Variants in TNRC18 observed in about 807,000 individuals in gnomAD.
The protein encoded by TNRC18 is trinucleotide repeat-containing gene 18 protein.
TNRC18 carries 69 observed loss-of-function variants against 226.7 expected under a neutral mutation model. That is an observed-to-expected ratio of 0.30 (90% CI 0.25 to 0.37). TNRC18 has a LOEUF of 0.37. Ranked by LOEUF, TNRC18 falls within the 10% of genes least tolerant of loss-of-function variation. The pLI is 1.00. For missense variants in TNRC18, 4,754 were observed against 4,256.6 expected, an observed-to-expected ratio of 1.12 and a Z score of -3.25; for synonymous variants, 2,449 against 1,927.6, an observed-to-expected ratio of 1.27 and a Z score of -7.09.
At chr7:5,387,589 G>T in intron 5 of TNRC18, 83 bp downstream of exon 5, 2 of 1,540,976 alleles carry the variant, frequency 1.3e-6, no homozygotes, top group Non-Finnish European at 1.7e-6. Context: ...AATAGCAAAG[G>T]GAAAGGGCCC....
At chr7:5,399,504 G>A (rs1231553924) in intron 2 of TNRC18, among the ~76,000 whole-genome samples, 1 of 152,002 alleles carries the variant, frequency 6.6e-6, no homozygotes, top group Non-Finnish European at 1.5e-5. Context: ...CTTGAGGCCA[G>A]GAGTTCAGCC....
chr7:5,413,577 G>A (rs760041446), intron 2 of TNRC18, among the ~76,000 whole-genome samples: 2 of 152,190 alleles, frequency 1.3e-5, no homozygotes, highest in African/African-American at 2.4e-5. Flanking sequence ...CCAGACCACT[G>A]TGAGTGCAGT....
Position 5,313,446 on chromosome 7 carries a change from A to C in TNRC18, c.7445T>G (p.Leu2482Arg), listed in dbSNP as rs1226496661. Residue 2482 changes from leucine (L) to arginine (R), a missense_variant, in exon 27 of 30, where the codon CTG becomes CGG. Transcript: ENST00000430969. The part of the protein sequence containing the change: ...PKSKKAKEAL[L>R]LREDPGAGGW... The stretch of plus-strand genomic sequence containing the variant: ...CCCCGCCCCCGGATCCTCCCGGAGC[A>C]GCAGGGCCTCTTTAGCCTTCTTGCT... 6.2e-7 allele frequency: 1 copy of C among 1,612,188 alleles called. No individual in the cohort carries two copies. The highest frequency in any genetic ancestry group is 8.5e-7 in the Non-Finnish European group (1 of 1,179,268).
At position 5,312,623 on chromosome 7, in the gene TNRC18, G is replaced by A. The variant is rs1787342349; in HGVS notation, c.8268C>T (p.His2756=). ...KSRPKKREGV[H]LPTTKELAKR... ...TGGCCAGCTCCTTGGTGGTGGGGAGGTGGACGCCCTCTCTCTTCTTGGGTC... is the reference window on the plus strand; with the variant it reads ...TGGCCAGCTCCTTGGTGGTGGGGAGATGGACGCCCTCTCTCTTCTTGGGTC... The change falls in exon 27 of 30, where the codon CAC becomes CAT. Residue 2756 remains histidine, a synonymous_variant. Coordinates refer to ENST00000430969, the MANE Select transcript of TNRC18 (RefSeq NM_001080495.3). This position sits in a 1 kb window ranked among gnomAD's most constrained non-coding sequence, Gnocchi z 6.3. 21 of 1,610,486 alleles carry A rather than the reference G, an allele frequency of 1.3e-5. No homozygotes were observed. Among genetic ancestry groups the A allele is most frequent in the Non-Finnish European group, 1.7e-5 (20 of 1,179,218 alleles).
chr7:5,406,853 A>T (rs1444537139), intron 2 of TNRC18, among the ~76,000 whole-genome samples: 1 of 151,628 alleles, frequency 6.6e-6, no homozygotes, highest in Non-Finnish European at 1.5e-5. Flanking sequence ...TCTGTCTCAA[A>T]AAAAAAAAAG....
intron 18 of TNRC18, among the ~76,000 whole-genome samples, chr7:5,333,387 G>T (rs144111092): frequency 6.6e-6 from 1 of 152,206 alleles, no homozygotes. Flanking sequence ...CCCCACACCT[G>T]CAGGGCAGCA....
intron 17 of TNRC18, among the ~76,000 whole-genome samples, chr7:5,351,106 T>C (rs1197026303): frequency 2.0e-5 from 3 of 151,968 alleles, no homozygotes; most frequent in East Asian, 1.9e-4. Flanking sequence ...AAAAATGAAA[T>C]GAATGCCAAT....
At chr7:5,343,366 G>C (rs1357843819) in intron 18 of TNRC18, among the ~76,000 whole-genome samples, 1 of 152,086 alleles carries the variant, frequency 6.6e-6, no homozygotes, top group Non-Finnish European at 1.5e-5. Context: ...AAAAGAAAAA[G>C]ACATAATACT....
At position 5,388,022 on chromosome 7, in the gene TNRC18, G is replaced by A. The variant is rs1410903583; in HGVS notation, c.1802C>T (p.Ala601Val). 3 of 1,570,690 alleles carry A rather than the reference G, an allele frequency of 1.9e-6. No individual in the cohort carries two copies. The highest frequency in any genetic ancestry group is 2.6e-6 in the Non-Finnish European group (3 of 1,159,096). Residue 601 changes from alanine (A) to valine (V), a missense_variant, in exon 5 of 30, where the codon GCC (alanine) becomes GTC (valine). By Grantham distance (64) the Ala-to-Val change is moderately conservative (BLOSUM62 0). Coordinates refer to ENST00000430969, the MANE Select transcript of TNRC18 (RefSeq NM_001080495.3). ...YSGSFARDAV[A>V]VRPGGCGKKS... ...CTTGCCACAGCCACCAGGGCGCACG[G>A]CCACGGCGTCCCGGGCAAAGCTGCC...
intron 19 of TNRC18, among the ~76,000 whole-genome samples, chr7:5,328,020 G>T (rs542142992): frequency 6.7e-6 from 1 of 148,654 alleles, no homozygotes; most frequent in African/African-American, 2.5e-5. Context: ...CCAGGAGTTC[G>T]AGACCAGCCC....
At position 5,374,201 on chromosome 7, in the gene TNRC18, C is replaced by CCCGG; in HGVS notation, c.3082_3083insCCGG (p.Ser1028ThrfsTer87). The CCCGG allele has an allele frequency of 1.4e-6, 1 of 738,486 alleles. No individual in the cohort carries two copies. 45.7% of individuals were successfully genotyped at this position (738,486 alleles called of 1,614,324 possible). ...GGGCGGCGGGCTGGTGGGGTGGGAG[C>CCCGG]TGGGGGTGGCGGGGTAGGCGTAGGC... is the stretch of plus-strand genomic sequence containing the variant. On this transcript the variant is annotated frameshift_variant, in exon 10 of 30. Transcript: ENST00000430969. LOFTEE classifies it high-confidence loss of function.
At chr7:5,374,619 C>A (rs1006084021) in intron 9 of TNRC18, 135 bp from the exon 10 acceptor site, 2 of 864,100 alleles carry the variant, frequency 2.3e-6, no homozygotes, top group Non-Finnish European at 3.4e-6. Context: ...AGGCTGCCCA[C>A]CCCGTCCCAG....
At chr7:5,373,920 G>GC in intron 10 of TNRC18, 135 bp downstream of exon 10, 1 of 629,806 alleles carries the variant, frequency 1.6e-6, no homozygotes, top group Non-Finnish European at 2.5e-6. Context: ...GTGTCTGGCG[G>GC]CAGGCCTGGG....
Position 5,320,347 on chromosome 7 carries a change from C to T in TNRC18, c.6716G>A (p.Arg2239His), listed in dbSNP as rs1389463786. 5 of 1,557,108 alleles carry T rather than the reference C, an allele frequency of 3.2e-6. No individual in the cohort carries two copies. Among genetic ancestry groups the T allele is most frequent in the East Asian group, 2.4e-5 (1 of 41,446 alleles). Residue 2239 changes from arginine to histidine, a missense_variant, in exon 24 of 30, where the codon CGC (arginine) becomes CAC (histidine). By Grantham distance (29) the Arg-to-His change is conservative. Transcript: ENST00000430969. Reference protein sequence around the residue: ...RIAAYWSQQYRCLYPGTVVRG... With the variant: ...RIAAYWSQQYHCLYPGTVVRG... ...GACCACAGTGCCTGGGTAGAGACAGCGGTACTGCTGGCTCCAGTAGGCTGC... is the reference window on the plus strand; with the variant it reads ...GACCACAGTGCCTGGGTAGAGACAGTGGTACTGCTGGCTCCAGTAGGCTGC...
intron 17 of TNRC18, among the ~76,000 whole-genome samples, chr7:5,349,915 G>A (rs1483257497): frequency 6.6e-6 from 1 of 152,160 alleles, no homozygotes; most frequent in Non-Finnish European, 1.5e-5. Context: ...GAGGAGCCTG[G>A]GCCTCCCCCG....
chr7:5,389,437 G>A (rs1362837223), intron 4 of TNRC18, 101 bp from the exon 5 acceptor site: 3 of 1,085,184 alleles, frequency 2.8e-6, no homozygotes, highest in Non-Finnish European at 2.3e-6. Context: ...ACCAACCCAT[G>A]CCTCCCCCAG....
intron 2 of TNRC18, among the ~76,000 whole-genome samples, chr7:5,396,555 C>A (rs1489795697): frequency 6.6e-6 from 1 of 152,204 alleles, no homozygotes; most frequent in African/African-American, 2.4e-5. Flanking sequence ...CAATAACCAG[C>A]CATGGCACCC....
rs1207313682 is a variant in TNRC18 at position 5,409,830 on chromosome 7, A to T, written c.187+11230T>A. Reference sequence around the variant, plus strand: ...TCTCTACTAAAAAAAAAAAAAAAAAAAATACAAAAAATTAGCCAGGCGTGG... The same window carrying T: ...TCTCTACTAAAAAAAAAAAAAAAAATAATACAAAAAATTAGCCAGGCGTGG... On this transcript the variant is annotated intron_variant, in intron 2 of 29. Transcript: ENST00000430969. 4.7e-5 allele frequency among the ~76,000 whole-genome samples: 7 copies of T among 149,034 alleles called. No homozygotes were observed. In the East Asian group the frequency reaches 1.4e-3, roughly 29 times the overall value.
At chr7:5,392,567 T>C (rs6978084) in intron 3 of TNRC18, among the ~76,000 whole-genome samples, 1,698 of 152,084 alleles carry the variant, frequency 0.011, 43 homozygotes, top group African/African-American at 0.039. Context: ...TGAGCCAAGA[T>C]TGTGCCACTA....
Sources: allele counts gnomAD v4.1 joint callset (sites outside exome capture counted in the v4.1 genomes callset), GRCh38; gene constraint gnomAD v4.1.1; non-coding constraint Gnocchi (gnomAD v3.1); transcripts MANE v1.5; gene names NCBI Gene and HGNC (gene_info 2026-07-23, HGNC 2026-07-21).